Variants in MYPN observed in about 807,000 individuals in gnomAD.
MYPN encodes the protein sarcomeric protein myopalladin, 145 kDa (MYOP).
MYPN carries 63 observed loss-of-function variants against 129.4 expected under a neutral mutation model. The ratio of observed to expected loss-of-function variants is 0.49; its 90% confidence interval spans 0.40 to 0.60. The LOEUF is 0.60. Among genes scored for constraint, MYPN ranks in the 20% least tolerant of loss-of-function variants. The pLI is 0.00. For synonymous variants in MYPN, 629 were observed against 600.9 expected (o/e 1.05, Z -0.68); for missense variants, 1,596 against 1,635.4 (o/e 0.98, Z 0.42).
intron 12 of MYPN, among the ~76,000 whole-genome samples, chr10:68,186,817 A>T (rs1439043723): frequency 6.6e-6 from 1 of 152,112 alleles, no homozygotes; most frequent in Non-Finnish European, 1.5e-5. Context: ...TAAACAAACA[A>T]GAAAAATACT....
intron 1 of MYPN, among the ~76,000 whole-genome samples, chr10:68,089,344 A>ATTTG (rs564709264): frequency 1.3e-3 from 193 of 147,018 alleles, no homozygotes; most frequent in Non-Finnish European, 2.3e-3. Context: ...TTTTTTGTTT[A>ATTTG]TTTGTTTGTT....
chr10:68,173,141 T>A (rs958877441), intron 10 of MYPN, among the ~76,000 whole-genome samples: 89 of 152,314 alleles, frequency 5.8e-4, no homozygotes, highest in African/African-American at 2.1e-3. Context: ...CCTTCCTGAA[T>A]GTATGGGGAC....
intron 6 of MYPN, among the ~76,000 whole-genome samples, chr10:68,156,915 C>T (rs567000733): frequency 2.2e-4 from 33 of 152,280 alleles, no homozygotes; most frequent in African/African-American, 7.0e-4. Flanking sequence ...CTTTTTTATG[C>T]TTACAGTCTT....
At position 68,196,504 on chromosome 10, in the gene MYPN, AT is replaced by A. The variant is rs2043609144; in HGVS notation, c.3159-847del. 1.0e-4 allele frequency among the ~76,000 whole-genome samples: 3 copies of A among 29,716 alleles called. 1 individual carries two copies. The highest frequency in any genetic ancestry group is 4.6e-4 in the Non-Finnish European group (3 of 6,532). 19.5% of individuals were successfully genotyped at this position (29,716 alleles called of 152,430 possible). ...TCTTCTTTTTTTTTTTTTTTTTGAG[AT>A]GGGGGTCTCACTCTGTCACCCAGGC... is the stretch of plus-strand genomic sequence containing the variant. On this transcript the variant is annotated intron_variant, in intron 15 of 19. Coordinates refer to ENST00000358913, the MANE Select transcript of MYPN (RefSeq NM_032578.4).
At chr10:68,105,708 T>C (rs2042006553), upstream of MYPN, among the ~76,000 whole-genome samples, 1 of 152,200 alleles carries the variant, frequency 6.6e-6, no homozygotes, top group East Asian at 1.9e-4. Flanking sequence ...ACAGGAAGTG[T>C]TGTAATAATT....
At chr10:68,184,867 A>G (rs971465123) in intron 12 of MYPN, among the ~76,000 whole-genome samples, 22 of 152,128 alleles carry the variant, frequency 1.4e-4, no homozygotes, top group African/African-American at 5.1e-4. Flanking sequence ...GGGGCTGGAA[A>G]TGGGAGGTGG....
At chr10:68,138,405 T>TTTTCTTTCTTG (rs531294201) in intron 2 of MYPN, among the ~76,000 whole-genome samples, 1 of 151,668 alleles carries the variant, frequency 6.6e-6, no homozygotes, top group Admixed American at 6.6e-5. Flanking sequence ...CCCGGCCTCT[T>TTTTCTTTCTTG]TTTCTTTCTT....
At position 68,175,422 on chromosome 10, in the gene MYPN, G is replaced by A. The variant is rs1351171087; in HGVS notation, c.2664G>A (p.Gly888=). ...AGAACGCAGTGATTCGAGACTTGGG[G>A]AAAAAAATAACTTTCAGTGATGTCA... ...ETKNAVIRDL[G]KKITFSDVRP... The change falls in exon 12 of 20, where the codon GGG becomes GGA. Residue 888 remains glycine (G), a synonymous_variant. Transcript: ENST00000358913. The A allele has an allele frequency of 1.2e-6, 2 of 1,613,944 alleles. No homozygotes were observed. The highest frequency in any genetic ancestry group is 2.2e-5 in the East Asian group (1 of 44,898).
chr10:68,147,612 A>G (rs1313664752), intron 4 of MYPN, among the ~76,000 whole-genome samples: 1 of 152,128 alleles, frequency 6.6e-6, no homozygotes, highest in Non-Finnish European at 1.5e-5. Context: ...TCAAGTCCAG[A>G]GCTTGTTGCT....
At chr10:68,133,563 T>C (rs566608385) in intron 2 of MYPN, among the ~76,000 whole-genome samples, 132 of 152,086 alleles carry the variant, frequency 8.7e-4, no homozygotes, top group African/African-American at 2.3e-3. Context: ...ACTTGATTGA[T>C]AAGAGAACCC....
intron 4 of MYPN, among the ~76,000 whole-genome samples, chr10:68,147,608 C>A (rs1272555246): frequency 3.3e-5 from 5 of 152,170 alleles, no homozygotes; most frequent in Non-Finnish European, 5.9e-5. Flanking sequence ...CTCTTCAAGT[C>A]CAGAGCTTGT....
chr10:68,166,556 A>G lies in MYPN; in HGVS notation c.1863A>G (p.Arg621=), dbSNP rs373826163. 9.9e-6 allele frequency: 16 copies of G among 1,614,058 alleles called. No individual in the cohort carries two copies. Among genetic ancestry groups the G allele is most frequent in the South Asian group, 3.3e-5 (3 of 91,082 alleles). ...CCGAGGCTGGTGTGGTGACCACCAG[A>G]CAGACCAGGCCCGATTCTTTCCAGG... ...ASSEAGVVTT[R]QTRPDSFQER... is the part of the protein sequence containing the mutation. The change falls in exon 10 of 20, where the codon AGA becomes AGG. Residue 621 remains arginine (R), a synonymous_variant. Transcript: ENST00000358913.
At chr10:68,187,105 C>T (rs1245292260) in intron 12 of MYPN, among the ~76,000 whole-genome samples, 2 of 152,092 alleles carry the variant, frequency 1.3e-5, no homozygotes, top group Non-Finnish European at 2.9e-5. Flanking sequence ...GGCATGGTGG[C>T]TCACACCTGT....
rs1189601564 is a variant in MYPN, at chr10:68,109,694, T to C, written c.-31T>C. 3 of 453,964 alleles carry C rather than the reference T, an allele frequency of 6.6e-6. No homozygotes were observed. The East Asian group carries it at 2.1e-4, about 31-fold the overall frequency. The allele number at this position is 453,964 out of a possible 1,614,324, so 28.1% of individuals were successfully genotyped here. ...TGCAGTGGAGTGCCTGGATTGGACA[T>C]CCTCATCTGGGTCAACTAAAAAAAG... On this transcript the variant is annotated 5_prime_UTR_variant, in exon 1 of 20. Coordinates refer to ENST00000358913, the MANE Select transcript of MYPN (RefSeq NM_032578.4).
At chr10:68,106,560 A>G, upstream of MYPN, 1 of 681,072 alleles carries the variant, frequency 1.5e-6, no homozygotes, top group Non-Finnish European at 2.7e-6. Flanking sequence ...TAGTTTTTTC[A>G]TCTGATACTG....
At position 68,206,867 on chromosome 10, in the gene MYPN, G is replaced by A. The variant is rs1208726312; in HGVS notation, c.3757G>A (p.Gly1253Ser). 11 of 1,614,198 alleles carry A rather than the reference G, an allele frequency of 6.8e-6. No individual in the cohort carries two copies. The highest frequency in any genetic ancestry group is 2.7e-5 in the African/African-American group (2 of 75,046). ...WYTLSAKNEA[G>S]IVSCTARLDI... is the part of the protein sequence containing the mutation. ...CACGTTGTCAGCCAAGAATGAAGCC[G>A]GCATCGTGTCGTGCACTGCCAGGCT... The change falls in exon 19 of 20, where the codon GGC becomes AGC. Residue 1253 changes from glycine to serine, a missense_variant. By Grantham distance (56) the Gly-to-Ser change is moderately conservative. Coordinates refer to ENST00000358913, the MANE Select transcript of MYPN (RefSeq NM_032578.4).
intron 4 of MYPN, 60 bp downstream of exon 4, chr10:68,145,586 A>C: frequency 7.2e-7 from 1 of 1,389,870 alleles, no homozygotes; most frequent in Non-Finnish European, 1.0e-6. Context: ...TAGCTCAAAG[A>C]GAATGATTAA....
intron 12 of MYPN, among the ~76,000 whole-genome samples, chr10:68,183,155 C>G (rs550048310): frequency 3.9e-5 from 6 of 152,182 alleles, no homozygotes; most frequent in Admixed American, 3.9e-4. Context: ...TAACTTACCA[C>G]CATGTATAAT....
At chr10:68,099,137 T>G (rs900324490) in intron 1 of MYPN, among the ~76,000 whole-genome samples, 7 of 152,204 alleles carry the variant, frequency 4.6e-5, no homozygotes, top group African/African-American at 1.7e-4. Flanking sequence ...TAAGTCTCAT[T>G]TGGCACACAT....
Sources: gnomAD v4.1 joint callset for allele counts (sites outside exome capture counted in the v4.1 genomes callset) on GRCh38, gnomAD v4.1.1 for gene constraint, MANE v1.5 for transcripts, NCBI Gene and HGNC (gene_info 2026-07-23, HGNC 2026-07-21) for gene names.